EFCAB11: variants seen among roughly 807,000 people sequenced by gnomAD.
EFCAB11 encodes EF-hand calcium binding domain 11, also known as EF-hand calcium-binding domain-containing protein 11.
Under a neutral mutation model 23.0 loss-of-function variants are expected in EFCAB11, and 14 were observed. The observed-to-expected ratio is 0.61, with a 90% confidence interval of 0.40 to 0.95. The LOEUF is 0.95. Ranked by LOEUF, EFCAB11 falls within the 40% of genes least tolerant of loss-of-function variation. EFCAB11 has a pLI of 0.00. For missense variants in EFCAB11, 198 were observed against 195.8 expected (o/e 1.01, Z -0.07); for synonymous variants, 65 against 66.6 (o/e 0.98, Z 0.11).
intron 5 of EFCAB11, among the ~76,000 whole-genome samples, chr14:89,868,786 T>C (rs939991087): frequency 6.6e-5 from 10 of 152,224 alleles, no homozygotes; most frequent in African/African-American, 2.4e-4. Flanking sequence ...TTAAGTGCTG[T>C]GACTTCCCTC....
chr14:89,938,932 T>G (rs1596466662), intron 3 of EFCAB11, among the ~76,000 whole-genome samples: 1 of 115,764 alleles, frequency 8.6e-6, no homozygotes. Flanking sequence ...AGAGCAAAAC[T>G]CCATTTCAAA....
chr14:89,833,020 T>C (rs1020130368), intron 5 of EFCAB11: 1 of 152,242 alleles, frequency 6.6e-6, no homozygotes, highest in Non-Finnish European at 1.5e-5. Flanking sequence ...ATCCATTTTC[T>C]TACACAACAA....
At chr14:89,882,685 G>A (rs1888638556) in intron 5 of EFCAB11, among the ~76,000 whole-genome samples, 1 of 152,138 alleles carries the variant, frequency 6.6e-6, no homozygotes, top group Admixed American at 6.5e-5. Context: ...ACAAGAAAAG[G>A]CCTGGTGAAT....
chr14:89,914,159 C>T (rs542952458), intron 5 of EFCAB11, among the ~76,000 whole-genome samples: 1 of 152,322 alleles, frequency 6.6e-6, no homozygotes, highest in South Asian at 2.1e-4. Flanking sequence ...ATATAGCTAA[C>T]AATATGAGTA....
intron 5 of EFCAB11, among the ~76,000 whole-genome samples, chr14:89,802,073 A>T (rs902787688): frequency 2.0e-5 from 3 of 152,154 alleles, no homozygotes; most frequent in Non-Finnish European, 2.9e-5. Context: ...ACATCATAAC[A>T]ATTTCTTAGA....
Position 89,943,644 on chromosome 14 carries a change from G to A in EFCAB11, c.217+6453C>T, listed in dbSNP as rs532586918. ...TCTCTTCCTTCAAGAGAAATAGCAT[G>A]TAAAATTGACTCGTATCAATAAGAG... On this transcript the variant is annotated intron_variant, in intron 3 of 5. Transcript: ENST00000316738. 5.4e-4 allele frequency among the ~76,000 whole-genome samples: 83 copies of A among 152,312 alleles called. 2 individuals carry two copies. Among genetic ancestry groups the A allele is most frequent in the African/African-American group, 1.9e-3 (78 of 41,556 alleles).
chr14:89,818,214 C>G (rs1360577183), intron 5 of EFCAB11, among the ~76,000 whole-genome samples: 2 of 151,902 alleles, frequency 1.3e-5, no homozygotes, highest in East Asian at 1.9e-4. Context: ...TTTTAAATAC[C>G]AAATTTAAGT....
chr14:89,896,466 G>T (rs1889163983), intron 5 of EFCAB11, among the ~76,000 whole-genome samples: 1 of 151,924 alleles, frequency 6.6e-6, no homozygotes, highest in African/African-American at 2.4e-5. Flanking sequence ...AATGTAAATT[G>T]ATATGAATTA....
intron 5 of EFCAB11, among the ~76,000 whole-genome samples, chr14:89,846,988 G>A (rs1887450603): frequency 6.6e-6 from 1 of 152,130 alleles, no homozygotes; most frequent in African/African-American, 2.4e-5. Flanking sequence ...ATACATCTAT[G>A]TCTTAAATAT....
chr14:89,950,992 C>T lies in EFCAB11; in HGVS notation c.172-850G>A, dbSNP rs567244642. ...CTTCCTGGGCAATGCCATCCAGCCT[C>T]GTGTTTTGAGCAACCACATGGAAAC... is the stretch of plus-strand genomic sequence containing the variant. On this transcript the variant is annotated intron_variant, in intron 2 of 5. Coordinates refer to ENST00000316738, the MANE Select transcript of EFCAB11 (RefSeq NM_145231.4). Among the ~76,000 whole-genome samples, 21 of 152,196 alleles carry T rather than the reference C, an allele frequency of 1.4e-4. No individual in the cohort carries two copies. The East Asian group carries it at 3.3e-3, about 24-fold the overall frequency.
intron 5 of EFCAB11, chr14:89,799,244 C>G (rs975968783): frequency 2.6e-5 from 4 of 152,184 alleles, no homozygotes; most frequent in African/African-American, 9.7e-5. Context: ...AGGGCATCAT[C>G]ATTTTAAATT....
chr14:89,950,015 G>C, intron 3 of EFCAB11, 82 bp downstream of exon 3: 2 of 1,380,292 alleles, frequency 1.4e-6, no homozygotes, highest in South Asian at 1.3e-5. Context: ...AGGAATTTGA[G>C]ATGAGACTGA....
intron 5 of EFCAB11, among the ~76,000 whole-genome samples, chr14:89,875,399 A>G (rs898257402): frequency 6.6e-6 from 1 of 152,224 alleles, no homozygotes; most frequent in Non-Finnish European, 1.5e-5. Flanking sequence ...GGGTGGGGAC[A>G]CAGCCAAACC....
chr14:89,928,889 A>G (rs1890285520), intron 5 of EFCAB11, among the ~76,000 whole-genome samples: 1 of 147,474 alleles, frequency 6.8e-6, no homozygotes, highest in African/African-American at 2.5e-5. Flanking sequence ...CATATATACA[A>G]TTATATACAT....
chr14:89,944,664 T>G (rs574542385), intron 3 of EFCAB11, among the ~76,000 whole-genome samples: 1 of 152,130 alleles, frequency 6.6e-6, no homozygotes, highest in Non-Finnish European at 1.5e-5. Context: ...AAGTTGTAAC[T>G]AATGGAACAT....
intron 5 of EFCAB11, among the ~76,000 whole-genome samples, chr14:89,829,507 C>A (rs1886816588): frequency 6.6e-6 from 1 of 152,114 alleles, no homozygotes; most frequent in Admixed American, 6.5e-5. Flanking sequence ...AATGTTTCTG[C>A]AAAATAAGAA....
chr14:89,881,951 A>G (rs1314899560), intron 5 of EFCAB11, among the ~76,000 whole-genome samples: 1 of 152,220 alleles, frequency 6.6e-6, no homozygotes, highest in African/African-American at 2.4e-5. Flanking sequence ...GGGTTACATA[A>G]GCAATGTAGT....
intron 5 of EFCAB11, among the ~76,000 whole-genome samples, chr14:89,800,742 A>C (rs1249491842): frequency 6.6e-6 from 1 of 152,108 alleles, no homozygotes; most frequent in African/African-American, 2.4e-5. Flanking sequence ...GGGAGTAGAG[A>C]CTCAAGAGAG....
At chr14:89,898,499 G>C (rs1440200312) in intron 5 of EFCAB11, among the ~76,000 whole-genome samples, 1 of 151,966 alleles carries the variant, frequency 6.6e-6, no homozygotes, top group Non-Finnish European at 1.5e-5. Context: ...TGAGTGGCTG[G>C]AACTATAGGC....
Sources: gnomAD v4.1 joint callset for allele counts (sites outside exome capture counted in the v4.1 genomes callset) on GRCh38, gnomAD v4.1.1 for gene constraint, MANE v1.5 for transcripts, NCBI Gene and HGNC (gene_info 2026-07-23, HGNC 2026-07-21) for gene names.